The following CUX1 variants were observed in gnomAD, a reference collection of about 807,000 sequenced individuals.
The protein encoded by CUX1 is protein CASP.
Under a neutral mutation model 158.8 loss-of-function variants are expected in CUX1, and 31 were observed. The observed-to-expected ratio is 0.20, with a 90% confidence interval of 0.15 to 0.26. The LOEUF (loss-of-function observed/expected upper bound fraction) is 0.26. CUX1 is among the 10% of genes least tolerant of loss of function. CUX1 has a pLI of 1.00. For synonymous variants in CUX1, 879 were observed against 862.1 expected (o/e 1.02, Z -0.34); for missense variants, 1,589 against 2,014.6 (o/e 0.79, Z 4.04).
intron 20 of CUX1, among the ~76,000 whole-genome samples, chr7:102,205,410 G>A (rs1284607577): frequency 7.2e-5 from 11 of 152,122 alleles, no homozygotes; most frequent in South Asian, 2.1e-4. Context: ...ATCCTTTGTC[G>A]GCCCAGAGCC....
At chr7:102,214,950 C>G (rs1796905056) in intron 20 of CUX1, among the ~76,000 whole-genome samples, 1 of 152,246 alleles carries the variant, frequency 6.6e-6, no homozygotes, top group Admixed American at 6.5e-5. Flanking sequence ...AGCAGCCAAA[C>G]TACCTTTATA....
intron 1 of CUX1, among the ~76,000 whole-genome samples, chr7:101,849,721 G>A (rs948332197): frequency 3.9e-5 from 6 of 152,026 alleles, no homozygotes; most frequent in African/African-American, 1.4e-4. Context: ...GGATCGAATG[G>A]TATTTCTGTC....
intron 8 of CUX1, among the ~76,000 whole-genome samples, chr7:102,143,750 C>T (rs1834719888): frequency 6.6e-6 from 1 of 152,162 alleles, no homozygotes. Context: ...ATCAGGTGGA[C>T]CGCACAGGAC....
chr7:101,896,260 G>T (rs1740255314), intron 1 of CUX1, among the ~76,000 whole-genome samples: 1 of 152,116 alleles, frequency 6.6e-6, no homozygotes, highest in Non-Finnish European at 1.5e-5. Context: ...AGCTCTTGCA[G>T]GTCGTGGGCA....
At chr7:102,015,670 TG>T (rs1251640853) in intron 2 of CUX1, among the ~76,000 whole-genome samples, 1 of 152,224 alleles carries the variant, frequency 6.6e-6, no homozygotes, top group Non-Finnish European at 1.5e-5. Context: ...ATTGTTACCA[TG>T]TTGGGATCAG....
chr7:102,111,859 G>T, intron 7 of CUX1, 85 bp downstream of exon 7: 2 of 1,221,980 alleles, frequency 1.6e-6, no homozygotes, highest in Non-Finnish European at 2.4e-6. Context: ...CCCGGTCCCC[G>T]CGGATACCTG....
chr7:102,086,747 A>G (rs1827993803), intron 4 of CUX1, among the ~76,000 whole-genome samples: 1 of 151,706 alleles, frequency 6.6e-6, no homozygotes, highest in Non-Finnish European at 1.5e-5. Flanking sequence ...TTTGAAATCT[A>G]ATTATTATTT....
intron 2 of CUX1, among the ~76,000 whole-genome samples, chr7:101,948,730 G>A (rs1288302376): frequency 6.6e-6 from 1 of 152,156 alleles, no homozygotes; most frequent in Admixed American, 6.5e-5. Flanking sequence ...ACCCGCCCTG[G>A]TACAGGAGCA....
chr7:102,132,614 A>G (rs1585834964), intron 8 of CUX1, among the ~76,000 whole-genome samples: 1 of 148,454 alleles, frequency 6.7e-6, no homozygotes, highest in Non-Finnish European at 1.5e-5. Flanking sequence ...TTCTTGCAAC[A>G]TTGTACATTC....
At chr7:102,010,396 CAAAAAAA>C (rs35965710) in intron 2 of CUX1, among the ~76,000 whole-genome samples, 71 of 90,250 alleles carry the variant, frequency 7.9e-4, no homozygotes, top group Middle Eastern at 0.012. Flanking sequence ...GACTCTGTCT[CAAAAAAA>C]AAAAAAAAAA....
intron 1 of CUX1, among the ~76,000 whole-genome samples, chr7:101,898,798 C>T (rs761429616): frequency 6.0e-4 from 91 of 152,230 alleles, no homozygotes; most frequent in Admixed American, 2.2e-3. Context: ...GCCATGTTGG[C>T]CAGGCCAGTC....
intron 20 of CUX1, among the ~76,000 whole-genome samples, chr7:102,206,301 T>C (rs1284049234): frequency 2.6e-5 from 4 of 152,318 alleles, no homozygotes; most frequent in Admixed American, 2.6e-4. Context: ...GCCGTGGGTC[T>C]TCTTGGCTGG....
chr7:102,266,203 CAAAAAA>C (rs34666659), intron 14 of CUX1, among the ~76,000 whole-genome samples: 1 of 100,950 alleles, frequency 9.9e-6, no homozygotes. Flanking sequence ...GACTCCGTTT[CAAAAAA>C]AAAAAAAAAA....
rs139435413 is a variant in CUX1 at position 101,925,800 on chromosome 7, G to A, written c.141+9575G>A. On this transcript the variant is annotated intron_variant, in intron 2 of 23. Coordinates refer to ENST00000292535, the MANE Select transcript of CUX1 (RefSeq NM_181552.4). ...ATAGAAATATTAGCTGGGAGTGGTGGTGCGTACCTATGGTCCCAGCTACTC... is the reference window on the plus strand; with the variant it reads ...ATAGAAATATTAGCTGGGAGTGGTGATGCGTACCTATGGTCCCAGCTACTC... Among the ~76,000 whole-genome samples, 265 of 152,184 alleles carry A rather than the reference G, an allele frequency of 1.7e-3. 1 individual carries two copies. The highest frequency in any genetic ancestry group is 3.9e-3 in the Admixed American group (60 of 15,268).
chr7:102,076,091 A>G (rs1295679790), intron 4 of CUX1, among the ~76,000 whole-genome samples: 1 of 151,882 alleles, frequency 6.6e-6, no homozygotes, highest in Non-Finnish European at 1.5e-5. Flanking sequence ...CTTCACATTA[A>G]AGACACAAAG....
chr7:102,017,416 G>A (rs950024752), intron 2 of CUX1, among the ~76,000 whole-genome samples: 4 of 151,932 alleles, frequency 2.6e-5, no homozygotes, highest in South Asian at 2.1e-4. Flanking sequence ...GGAATAGAAC[G>A]GAGGAATGTA....
chr7:101,965,081 A>G (rs1307122682), intron 2 of CUX1, among the ~76,000 whole-genome samples: 1 of 152,224 alleles, frequency 6.6e-6, no homozygotes, highest in Admixed American at 6.5e-5. Context: ...CTTGCCAGAC[A>G]GAAAAGTCAT....
At chr7:101,959,917 T>C (rs989152497) in intron 2 of CUX1, among the ~76,000 whole-genome samples, 1 of 152,228 alleles carries the variant, frequency 6.6e-6, no homozygotes, top group South Asian at 2.1e-4. Context: ...CAAGGCTTTT[T>C]AGAATACCAT....
intron 20 of CUX1, among the ~76,000 whole-genome samples, chr7:102,226,895 C>G (rs1554528714): frequency 6.6e-6 from 1 of 152,188 alleles, no homozygotes; most frequent in African/African-American, 2.4e-5. Context: ...CACATTTCCT[C>G]CTAAGGGTCT....
Sources: gnomAD v4.1 joint callset for allele counts (sites outside exome capture counted in the v4.1 genomes callset) on GRCh38, gnomAD v4.1.1 for gene constraint, MANE v1.5 for transcripts, NCBI Gene and HGNC (gene_info 2026-07-23, HGNC 2026-07-21) for gene names.